The following DLG3 variants were observed in gnomAD, a reference collection of about 807,000 sequenced individuals.
DLG3 encodes the protein disks large homolog 3.
A neutral mutation model predicts 64.1 loss-of-function variants in DLG3; 1 was observed. The ratio of observed to expected loss-of-function variants is 0.02; its 90% CI spans 0.01 to 0.07. The LOEUF (loss-of-function observed/expected upper bound fraction) is 0.07, where lower values mean the gene tolerates loss of function less well. Ranked by LOEUF, DLG3 falls within the 10% of genes least tolerant of loss-of-function variation. The probability of loss-of-function intolerance (pLI) is 1.00; values close to 1 mark genes in which losing one functional copy is unlikely to be tolerated. For missense variants in DLG3, 429 were observed against 669.5 expected (o/e 0.64, Z 3.96); for synonymous variants, 245 against 259.8 (o/e 0.94, Z 0.55).
At position 70,445,132 on chromosome X, in the gene DLG3, TGGTGGCGGC is replaced by T. The variant is rs2086551805; in HGVS notation, c.-58_-50del. Reference sequence around the variant, plus strand: ...GGGAGCCCGGCGGCGGCGGCGGCGGTGGTGGCGGCGGTGGCGGCGGCGTGGAATCCGGCG... The same window carrying T: ...GGGAGCCCGGCGGCGGCGGCGGCGGTGGTGGCGGCGGCGTGGAATCCGGCG... On this transcript the variant is annotated 5_prime_UTR_variant, in exon 1 of 19. Coordinates refer to ENST00000374360, the MANE Select transcript of DLG3 (RefSeq NM_021120.4). 1.3e-5 allele frequency: 11 copies of T among 879,596 alleles called. No individual in the cohort carries two copies. Among genetic ancestry groups the T allele is most frequent in the Non-Finnish European group, 1.4e-5 (9 of 651,631 alleles). 72.5% of individuals were successfully genotyped at this position (879,596 alleles called of 1,213,427 possible).
At chrX:70,472,618 G>A (rs909691220) in intron 9 of DLG3, among the ~76,000 whole-genome samples, 10 of 111,707 alleles carry the variant, frequency 9.0e-5, no homozygotes, top group Non-Finnish European at 1.5e-4. Context: ...TTTGAGCAGA[G>A]GCTGAAGGGC....
chrX:70,475,416 G>C (rs1254874696), intron 9 of DLG3, among the ~76,000 whole-genome samples: 2 of 111,230 alleles, frequency 1.8e-5, no homozygotes, highest in African/African-American at 6.6e-5. Context: ...GGAGTGCAGT[G>C]GCGCGATCTC....
In DLG3 at chrX:70,467,490, T is replaced by C. The variant is rs769728835; in HGVS notation, c.1406-11660T>C. Among the ~76,000 whole-genome samples, 4 of 112,248 alleles carry C rather than the reference T, an allele frequency of 3.6e-5. No homozygotes were observed. In the Admixed American group the frequency reaches 3.8e-4, roughly 11 times the overall value. On this transcript the variant is annotated intron_variant, in intron 9 of 18. Coordinates refer to ENST00000374360, the MANE Select transcript of DLG3 (RefSeq NM_021120.4). ...TTTGACAACTTAGATGAGAAGAGTA[T>C]TTCTCCAGGTCCCATTTTCTGAGTT...
At chrX:70,480,804 T>G (rs1477704844) in intron 10 of DLG3, among the ~76,000 whole-genome samples, 1 of 112,159 alleles carries the variant, frequency 8.9e-6, no homozygotes, top group Non-Finnish European at 1.9e-5. Flanking sequence ...TTGGAGAGCT[T>G]TATTTTTAGA....
intron 9 of DLG3, among the ~76,000 whole-genome samples, chrX:70,476,899 C>T (rs7888946): frequency 0.063 from 7,094 of 112,327 alleles, 554 homozygotes; most frequent in African/African-American, 0.22. Flanking sequence ...GCAGCTGGAA[C>T]TCTAAGGGAA....
In DLG3 at chrX:70,452,639, G is replaced by A. The variant is rs753601803; in HGVS notation, c.1145+613G>A. The A allele has an allele frequency of 4.8e-5, 57 of 1,191,570 alleles. No individual in the cohort carries two copies. Among genetic ancestry groups the A allele is most frequent in the South Asian group, 3.1e-4 (17 of 54,442 alleles). On this transcript the variant is annotated intron_variant, in intron 7 of 18. Coordinates refer to ENST00000374360, the MANE Select transcript of DLG3 (RefSeq NM_021120.4). ...GAGGAGCTATGGAGAGGGCCCGCAA[G>A]TTCTCGGGCTCCGGCTTGGCCATGG...
intron 11 of DLG3, 102 bp from the exon 12 acceptor site, chrX:70,492,418 GT>G: frequency 8.9e-7 from 1 of 1,121,484 alleles, no homozygotes; most frequent in Non-Finnish European, 1.2e-6. Flanking sequence ...ACTCAACATG[GT>G]TTTTACTCAG....
In DLG3 at chrX:70,451,800, C is replaced by G. The variant is rs184773582; in HGVS notation, c.986-67C>G. On this transcript the variant is annotated intron_variant, in intron 6 of 18. Transcript: ENST00000374360. ...TCTGAAGTGGGGTGTGGGGGAAAGT[C>G]CTTGAGGAGTTTGGGGTACCTCCCT... 1.2e-3 allele frequency: 1,386 copies of G among 1,164,374 alleles called. 7 individuals carry two copies. The African/African-American group carries it at 0.022, about 18-fold the overall frequency.
At chrX:70,452,372 C>G in intron 7 of DLG3, 1 of 964,816 alleles carries the variant, frequency 1.0e-6, no homozygotes, top group Non-Finnish European at 1.3e-6. Flanking sequence ...CTGCTGCAAC[C>G]ATTTCAAATT....
At chrX:70,492,081 A>G in intron 10 of DLG3, 26 bp from the exon 11 acceptor site, 1 of 1,166,937 alleles carries the variant, frequency 8.6e-7, no homozygotes. Flanking sequence ...TTGGATGATC[A>G]CTTCATCTTT....
In DLG3 at chrX:70,502,254, C is replaced by T; in HGVS notation, c.2439C>T (p.Ser813=). The change falls in exon 19 of 19, where the codon TCC becomes TCT. Residue 813 remains serine, a synonymous_variant. Coordinates refer to ENST00000374360, the MANE Select transcript of DLG3 (RefSeq NM_021120.4). ...DQSGHYIWVP[S]PEKL is the part of the protein sequence containing the mutation. ...CTGGGCACTACATTTGGGTCCCATCCCCTGAAAAACTCTGAAGAATCCCCT... is the reference window on the plus strand; with the variant it reads ...CTGGGCACTACATTTGGGTCCCATCTCCTGAAAAACTCTGAAGAATCCCCT... 1 of 1,196,149 alleles carries T rather than the reference C, an allele frequency of 8.4e-7. No homozygotes were observed. Among genetic ancestry groups the T allele is most frequent in the Non-Finnish European group, 1.1e-6 (1 of 882,340 alleles).
chrX:70,480,528 T>C (rs748694740), intron 10 of DLG3, among the ~76,000 whole-genome samples: 1 of 111,288 alleles, frequency 9.0e-6, no homozygotes, highest in South Asian at 3.8e-4. Flanking sequence ...GAAGGGAGAA[T>C]GGTAGGAAGG....
chrX:70,497,236 T>C (rs1334925676), intron 13 of DLG3: 3 of 1,204,916 alleles, frequency 2.5e-6, no homozygotes, highest in Middle Eastern at 4.6e-4. Context: ...GTGTGTGTCA[T>C]TCCTTCCATG....
At chrX:70,481,788 AT>A (rs1602953380) in intron 10 of DLG3, among the ~76,000 whole-genome samples, 2 of 111,597 alleles carry the variant, frequency 1.8e-5, no homozygotes, top group Non-Finnish European at 3.8e-5. Flanking sequence ...TCTTCACCAC[AT>A]TTGTTTCCAT....
intron 17 of DLG3, 125 bp downstream of exon 17, chrX:70,500,705 G>A: frequency 2.8e-6 from 2 of 703,512 alleles, no homozygotes; most frequent in South Asian, 2.3e-5. Flanking sequence ...CTGGTCACTG[G>A]GCGCTCCTGT....
At position 70,445,277 on chromosome X, in the gene DLG3, G is replaced by A. The variant is rs1455594307; in HGVS notation, c.76G>A (p.Glu26Lys). Residue 26 changes from glutamate (E) to lysine (K), a missense_variant, in exon 1 of 19, where the codon GAG (glutamate) becomes AAG (lysine). Physicochemically the swap from Glu to Lys is moderately conservative, Grantham distance 56. Coordinates refer to ENST00000374360, the MANE Select transcript of DLG3 (RefSeq NM_021120.4). ...CCGCCTGGCCGCCCTGCGGCGCCTC[G>A]AGCCTCCGGGCTACGGCGACTGGCA... The part of the protein sequence containing the change: ...VTRLAALRRL[E>K]PPGYGDWQVP... 1 of 1,164,877 alleles carries A rather than the reference G, an allele frequency of 8.6e-7. No homozygotes were observed. The highest frequency in any genetic ancestry group is 1.9e-5 in the South Asian group (1 of 52,839).
chrX:70,482,089 A>T (rs767910577), intron 10 of DLG3, among the ~76,000 whole-genome samples: 3 of 112,265 alleles, frequency 2.7e-5, no homozygotes, highest in African/African-American at 9.7e-5. Flanking sequence ...AAGGGATTAG[A>T]TTTGTTCTGT....
intron 1 of DLG3, chrX:70,448,665 A>T: frequency 8.8e-7 from 1 of 1,138,257 alleles, no homozygotes; most frequent in Non-Finnish European, 1.2e-6. Context: ...TCAGTCTCAG[A>T]CAATTGATCT....
chrX:70,465,745 GT>G (rs2086873838), intron 9 of DLG3, among the ~76,000 whole-genome samples: 1 of 111,474 alleles, frequency 9.0e-6, no homozygotes, highest in Non-Finnish European at 1.9e-5. Context: ...GCTTTAAGCA[GT>G]TTTATGTTCT....
Sources: allele counts gnomAD v4.1 joint callset (sites outside exome capture counted in the v4.1 genomes callset), GRCh38; gene constraint gnomAD v4.1.1; transcripts MANE v1.5; gene names NCBI Gene and HGNC (gene_info 2026-07-23, HGNC 2026-07-21).